Variants in TBCCD1 observed in about 807,000 individuals in gnomAD.
TBCCD1 encodes the protein TBCC domain-containing protein 1.
Under a neutral mutation model 53.4 loss-of-function variants are expected in TBCCD1, and 26 were observed. The observed-to-expected ratio is 0.49, with a 90% confidence interval of 0.36 to 0.68. The LOEUF (loss-of-function observed/expected upper bound fraction) is 0.68. Ranked by LOEUF, TBCCD1 falls within the 30% of genes least tolerant of loss-of-function variation. TBCCD1 has a pLI of 0.00. For synonymous variants in TBCCD1, 245 were observed against 241.7 expected (o/e 1.01, Z -0.13); for missense variants, 558 against 669.5 (o/e 0.83, Z 1.84).
chr3:186,565,825 A>C (rs971793772), intron 1 of TBCCD1, among the ~76,000 whole-genome samples: 1 of 152,232 alleles, frequency 6.6e-6, no homozygotes, highest in Non-Finnish European at 1.5e-5. Flanking sequence ...ACATTTCTAA[A>C]GCTTGTGAAA....
rs1714765057 is a variant in TBCCD1 at position 186,564,255 on chromosome 3, T to C, written c.75A>G (p.Pro25=). ...TGAGATAGTGAAGACTAAACTTGGA[T>C]GGAGGGGGGACCTGCAAGGCACCCA... ...FIVGALQVPP[P]SKFSLHYLRK... Residue 25 remains proline, a synonymous_variant, in exon 2 of 8, where the codon CCA becomes CCG. Transcript: ENST00000338733. 1 of 1,614,184 alleles carries C rather than the reference T, an allele frequency of 6.2e-7. No individual in the cohort carries two copies. The highest frequency in any genetic ancestry group is 1.7e-5 in the Admixed American group (1 of 60,024).
Position 186,555,087 on chromosome 3 carries a change from A to G in TBCCD1, c.860-3T>C, listed in dbSNP as rs1454376722. On this transcript the variant is annotated splice_polypyrimidine_tract_variant and splice_region_variant and intron_variant, in intron 4 of 7. Coordinates refer to ENST00000338733, the MANE Select transcript of TBCCD1 (RefSeq NM_018138.5). The stretch of plus-strand genomic sequence containing the variant: ...AGCTCTTTTGGTGGTCCCTTCAACT[A>G]TTTAAGAAAACATATAAATAGATGA... 1.9e-6 allele frequency: 3 copies of G among 1,589,396 alleles called. No individual in the cohort carries two copies. In the South Asian group the frequency reaches 3.4e-5, roughly 18 times the overall value.
At chr3:186,550,329 ACT>A (rs1432162534) in intron 7 of TBCCD1, among the ~76,000 whole-genome samples, 4 of 151,856 alleles carry the variant, frequency 2.6e-5, no homozygotes, top group African/African-American at 9.7e-5. Flanking sequence ...TTATGCCTGT[ACT>A]CCCATCACTT....
At chr3:186,563,898 T>C in intron 2 of TBCCD1, 96 bp downstream of exon 2, 1 of 1,390,918 alleles carries the variant, frequency 7.2e-7, no homozygotes. Flanking sequence ...ACTCTGTTTC[T>C]ATCTAAAAAT....
chr3:186,566,665 T>C (rs1714841121), intron 1 of TBCCD1, among the ~76,000 whole-genome samples: 1 of 151,730 alleles, frequency 6.6e-6, no homozygotes, highest in South Asian at 2.1e-4. Flanking sequence ...AAAACGGGAG[T>C]GGATCCAGAA....
At chr3:186,562,718 C>A (rs1714722326) in intron 2 of TBCCD1, among the ~76,000 whole-genome samples, 2 of 145,548 alleles carry the variant, frequency 1.4e-5, no homozygotes, top group Admixed American at 7.1e-5. Flanking sequence ...AAATAACAAG[C>A]ATAAAAGAGG....
chr3:186,556,564 CACAG>C lies in TBCCD1; in HGVS notation c.700_703del (p.Leu234GlyfsTer26), dbSNP rs1275542903. The C allele has an allele frequency of 1.2e-6, 2 of 1,613,914 alleles. No homozygotes were observed. Among genetic ancestry groups the C allele is most frequent in the African/African-American group, 2.7e-5 (2 of 74,878 alleles). ...GCCACTATCTGCATGCAGTGGTTGCCACAGTGCAAGTTCATGAAGTGGATAGATC... is the reference window on the plus strand; with the variant it reads ...GCCACTATCTGCATGCAGTGGTTGCCTGCAAGTTCATGAAGTGGATAGATC... On this transcript the variant is annotated frameshift_variant, in exon 4 of 8. Transcript: ENST00000338733. LOFTEE classifies it high-confidence loss of function.
intron 2 of TBCCD1, among the ~76,000 whole-genome samples, 192 bp downstream of exon 2, chr3:186,563,802 G>A (rs898450814): frequency 3.3e-5 from 5 of 152,186 alleles, no homozygotes; most frequent in African/African-American, 9.7e-5. Flanking sequence ...GGTGGCTCAT[G>A]CCTGTAATCC....
chr3:186,567,543 G>A (rs1330458227), upstream of TBCCD1: 3 of 152,308 alleles, frequency 2.0e-5, no homozygotes, highest in South Asian at 4.1e-4. Flanking sequence ...TCAACCCGGG[G>A]GGGTAGGAAG....
intron 2 of TBCCD1, among the ~76,000 whole-genome samples, chr3:186,560,216 A>G (rs966259576): frequency 5.9e-5 from 9 of 152,196 alleles, no homozygotes; most frequent in African/African-American, 2.2e-4. Context: ...CACTCAAAAA[A>G]TCTGGAACTT....
rs1377925969 is a variant in TBCCD1, at chr3:186,546,297, A to G, written c.*680T>C. 1 of 152,194 alleles carries G rather than the reference A, an allele frequency of 6.6e-6. No homozygotes were observed. The highest frequency in any genetic ancestry group is 1.5e-5 in the Non-Finnish European group (1 of 68,040). The allele number at this position is 152,194 out of a possible 1,614,324, so 9.4% of individuals were successfully genotyped here. A position where few individuals can be genotyped will look rare whatever the true frequency, so the allele number is the denominator to read the frequency against. ...AAAACTCTTATTTAACTCTAGAAAG[A>G]ATAAAACTCTTTCATCACACAAATG... is the stretch of plus-strand genomic sequence containing the variant. On this transcript the variant is annotated 3_prime_UTR_variant, in exon 8 of 8. Coordinates refer to ENST00000338733, the MANE Select transcript of TBCCD1 (RefSeq NM_018138.5).
chr3:186,568,354 TG>T (rs777400759), upstream of TBCCD1, among the ~76,000 whole-genome samples: 1 of 151,078 alleles, frequency 6.6e-6, no homozygotes, highest in Non-Finnish European at 1.5e-5. Context: ...TAGTGAAAAA[TG>T]CTATGAAAAT....
intron 1 of TBCCD1, among the ~76,000 whole-genome samples, chr3:186,566,603 A>G (rs888771560): frequency 7.9e-5 from 12 of 152,206 alleles, no homozygotes; most frequent in African/African-American, 2.7e-4. Flanking sequence ...TGACTTGAGA[A>G]CTGCATTACT....
At position 186,546,545 on chromosome 3, in the gene TBCCD1, G is replaced by A. The variant is rs1424064954; in HGVS notation, c.*432C>T. 1 of 152,146 alleles carries A rather than the reference G, an allele frequency of 6.6e-6. No individual in the cohort carries two copies. Among genetic ancestry groups the A allele is most frequent in the African/African-American group, 2.4e-5 (1 of 41,436 alleles). The allele number at this position is 152,146 out of a possible 1,614,324, so 9.4% of individuals were successfully genotyped here. ...GAAATCAAAGTTCTTAAATAGAACA[G>A]AAGGCTGGGCACGGTGGCTCACGCC... On this transcript the variant is annotated 3_prime_UTR_variant, in exon 8 of 8. Transcript: ENST00000338733.
chr3:186,556,820 C>T lies in TBCCD1; in HGVS notation c.493-45G>A, dbSNP rs150786087. On this transcript the variant is annotated intron_variant, in intron 3 of 7. Transcript: ENST00000338733. ...AAGCACTCTTAATAAAGAGATTCCA[C>T]AAGATCTAAAATTTCTATATTTTAA... 320 of 1,565,930 alleles carry T rather than the reference C, an allele frequency of 2.0e-4. 1 individual carries two copies. In the African/African-American group the frequency reaches 4.0e-3, roughly 20 times the overall value.
At chr3:186,558,378 T>C in intron 3 of TBCCD1, 39 bp downstream of exon 3, 1 of 1,581,878 alleles carries the variant, frequency 6.3e-7, no homozygotes, top group South Asian at 1.2e-5. Flanking sequence ...CCACACAAAT[T>C]GTCCCTTTTA....
chr3:186,563,018 C>T (rs1182730277), intron 2 of TBCCD1, among the ~76,000 whole-genome samples: 1 of 152,174 alleles, frequency 6.6e-6, no homozygotes, highest in African/African-American at 2.4e-5. Flanking sequence ...AAGAAATAAA[C>T]CTTTTCCCCT....
chr3:186,570,191 T>G (rs12330397), upstream of TBCCD1: 35 of 690,186 alleles, frequency 5.1e-5, no homozygotes, highest in Non-Finnish European at 8.0e-5. Flanking sequence ...CTTATGGAGT[T>G]GCTTGGAGAA....
rs1337400918 is a variant in TBCCD1 at position 186,564,186 on chromosome 3, A to G, written c.144T>C (p.Ala48=). The G allele has an allele frequency of 6.2e-7, 1 of 1,614,052 alleles. No homozygotes were observed. The highest frequency in any genetic ancestry group is 2.2e-5 in the East Asian group (1 of 44,890). The change falls in exon 2 of 8, where the codon GCT becomes GCC. Residue 48 remains alanine (A), a synonymous_variant. Transcript: ENST00000338733. ...ATGTAGACCAGTAGAGGCGCGGGTA[A>G]GCTCCTTCTGTGGCCCGGATTTGCA... The part of the protein sequence containing the change: ...TYVQIRATEG[A]YPRLYWSTWR...
Sources: allele counts gnomAD v4.1 joint callset (sites outside exome capture counted in the v4.1 genomes callset), GRCh38; gene constraint gnomAD v4.1.1; transcripts MANE v1.5; gene names NCBI Gene and HGNC (gene_info 2026-07-23, HGNC 2026-07-21).